SIPA1L1: variants seen among roughly 807,000 people sequenced by gnomAD.
SIPA1L1 encodes the protein signal-induced proliferation-associated 1-like protein 1.
Under a neutral mutation model 162.7 loss-of-function variants are expected in SIPA1L1, and 26 were observed. That is an observed-to-expected ratio of 0.16 (90% CI 0.12 to 0.22). SIPA1L1 has a LOEUF of 0.22. Among genes scored for constraint, SIPA1L1 ranks in the 10% least tolerant of loss-of-function variants. The pLI is 1.00. For missense variants in SIPA1L1, 1,874 were observed against 2,241.0 expected, an observed-to-expected ratio of 0.84 and a Z score of 3.31; for synonymous variants, 829 against 837.4, an observed-to-expected ratio of 0.99 and a Z score of 0.17.
chr14:71,658,551 G>A, intron 9 of SIPA1L1, 115 bp downstream of exon 9: 4 of 717,898 alleles, frequency 5.6e-6, no homozygotes, highest in Non-Finnish European at 2.5e-6. Flanking sequence ...TGTCACAGCA[G>A]CGGGAAGCTT....
At chr14:71,536,936 C>T (rs909106376) in intron 4 of SIPA1L1, among the ~76,000 whole-genome samples, 6 of 152,252 alleles carry the variant, frequency 3.9e-5, no homozygotes, top group Non-Finnish European at 8.8e-5. Flanking sequence ...GCAGTTGTTT[C>T]TTTCTTGCCT....
intron 3 of SIPA1L1, among the ~76,000 whole-genome samples, chr14:71,524,053 T>C (rs2052616731): frequency 6.6e-6 from 1 of 152,218 alleles, no homozygotes; most frequent in African/African-American, 2.4e-5. Context: ...TAAGATGTTA[T>C]TACCCTTAGG....
At chr14:71,660,245 A>G (rs755694725) in intron 9 of SIPA1L1, among the ~76,000 whole-genome samples, 4 of 152,192 alleles carry the variant, frequency 2.6e-5, no homozygotes, top group African/African-American at 9.7e-5. Flanking sequence ...AGAGCAATCA[A>G]TACACACCAG....
intron 2 of SIPA1L1, among the ~76,000 whole-genome samples, chr14:71,446,894 G>GGTTTTTTTTTTTTT (rs2045394010): frequency 1.1e-5 from 1 of 87,406 alleles, no homozygotes; most frequent in African/African-American, 4.4e-5. Context: ...GATGGGCTCT[G>GGTTTTTTTTTTTTT]TTTTTTTTTT....
At chr14:71,658,229 T>C in intron 8 of SIPA1L1, 104 bp from the exon 9 acceptor site, 2 of 675,018 alleles carry the variant, frequency 3.0e-6, no homozygotes, top group South Asian at 3.8e-5. Context: ...CTTTTCATCC[T>C]AAATCATTTT....
intron 2 of SIPA1L1, among the ~76,000 whole-genome samples, chr14:71,322,152 T>G (rs1176839460): frequency 6.6e-6 from 1 of 152,246 alleles, no homozygotes; most frequent in African/African-American, 2.4e-5. Flanking sequence ...TCTATCTGGA[T>G]GGACTGGGAT....
intron 7 of SIPA1L1, among the ~76,000 whole-genome samples, chr14:71,648,729 A>G (rs2042379703): frequency 6.6e-6 from 1 of 152,226 alleles, no homozygotes; most frequent in Non-Finnish European, 1.5e-5. Flanking sequence ...TTGCTGCCAA[A>G]TATGTTTGCC....
intron 19 of SIPA1L1, among the ~76,000 whole-genome samples, chr14:71,725,241 A>T (rs983876906): frequency 6.6e-5 from 10 of 152,182 alleles, no homozygotes; most frequent in Non-Finnish European, 8.8e-5. Flanking sequence ...GTCTTCTCAG[A>T]AATGGCCCCA....
chr14:71,725,182 T>A (rs1184818447), intron 19 of SIPA1L1, among the ~76,000 whole-genome samples: 1 of 152,238 alleles, frequency 6.6e-6, no homozygotes, highest in African/African-American at 2.4e-5. Flanking sequence ...TATGGAAAGC[T>A]AGAACGTTTT....
Position 71,423,525 on chromosome 14 carries a change from C to G in SIPA1L1, c.-464-89218C>G, listed in dbSNP as rs1000903051. Reference sequence around the variant, plus strand: ...TAAGTAGTATTCACCTAACTGTATTCTTTTGCATATGCAGTTTTCCCAGCA... The same window carrying G: ...TAAGTAGTATTCACCTAACTGTATTGTTTTGCATATGCAGTTTTCCCAGCA... On this transcript the variant is annotated intron_variant, in intron 2 of 23. Transcript: ENST00000381232. Among the ~76,000 whole-genome samples, 9 of 152,074 alleles carry G rather than the reference C, an allele frequency of 5.9e-5. No homozygotes were observed. The South Asian group carries it at 6.2e-4, about 10-fold the overall frequency.
At chr14:71,590,021 TA>T (rs200463823) in intron 5 of SIPA1L1, among the ~76,000 whole-genome samples, 161 of 85,022 alleles carry the variant, frequency 1.9e-3, no homozygotes, top group African/African-American at 2.8e-3. Flanking sequence ...AGTGGGAGAG[TA>T]AAAAAAAAAA....
chr14:71,636,078 A>T (rs1162108761), intron 7 of SIPA1L1, among the ~76,000 whole-genome samples: 4 of 152,194 alleles, frequency 2.6e-5, no homozygotes, highest in Non-Finnish European at 5.9e-5. Context: ...TGATGAAACT[A>T]AAAGGAGAAA....
At chr14:71,407,413 C>CCCTTCCTT (rs112922074) in intron 2 of SIPA1L1, among the ~76,000 whole-genome samples, 3 of 149,172 alleles carry the variant, frequency 2.0e-5, no homozygotes, top group African/African-American at 5.0e-5. Flanking sequence ...CTTTCTCTTT[C>CCCTTCCTT]CCTTCCTTCC....
chr14:71,663,821 T>A (rs113795540), intron 10 of SIPA1L1, among the ~76,000 whole-genome samples: 13 of 152,226 alleles, frequency 8.5e-5, no homozygotes, highest in African/African-American at 3.1e-4. Context: ...GTCTGGAATT[T>A]CCTAGTTACC....
chr14:71,560,393 A>G (rs905846597), intron 4 of SIPA1L1, among the ~76,000 whole-genome samples: 2 of 152,186 alleles, frequency 1.3e-5, no homozygotes, highest in Admixed American at 6.5e-5. Context: ...TCCTCATGCT[A>G]GTCTTATGAA....
At chr14:71,606,595 G>A (rs1404471032) in intron 5 of SIPA1L1, among the ~76,000 whole-genome samples, 1 of 152,106 alleles carries the variant, frequency 6.6e-6, no homozygotes, top group Non-Finnish European at 1.5e-5. Flanking sequence ...ATCTCCTTAT[G>A]TTTGTTTCAG....
chr14:71,636,117 T>A (rs2041122173), intron 7 of SIPA1L1, among the ~76,000 whole-genome samples: 2 of 152,176 alleles, frequency 1.3e-5, no homozygotes, highest in Non-Finnish European at 2.9e-5. Flanking sequence ...TAGTTGGTGA[T>A]TTTAACATCT....
intron 2 of SIPA1L1, among the ~76,000 whole-genome samples, chr14:71,470,666 T>G (rs1257128341): frequency 6.6e-6 from 1 of 152,126 alleles, no homozygotes; most frequent in African/African-American, 2.4e-5. Flanking sequence ...ATGTAAACTT[T>G]CTGTACCTTA....
At chr14:71,716,975 C>T (rs2150110833) in intron 17 of SIPA1L1, among the ~76,000 whole-genome samples, 1 of 152,352 alleles carries the variant, frequency 6.6e-6, no homozygotes, top group African/African-American at 2.4e-5. Flanking sequence ...TCTTGGCTCA[C>T]TGCAACCTCT....
Sources: allele counts gnomAD v4.1 joint callset (sites outside exome capture counted in the v4.1 genomes callset), GRCh38; gene constraint gnomAD v4.1.1; transcripts MANE v1.5; gene names NCBI Gene and HGNC (gene_info 2026-07-23, HGNC 2026-07-21).